ALDH2: variants seen among roughly 807,000 people sequenced by gnomAD.
The protein encoded by ALDH2 is aldehyde dehydrogenase 2 family member.
ALDH2 carries 44 observed loss-of-function variants against 59.6 expected under a neutral mutation model. That is an observed-to-expected ratio of 0.74 (90% CI 0.58 to 0.95). ALDH2 has a LOEUF of 0.95. ALDH2 is among the 40% of genes least tolerant of loss of function. ALDH2 has a pLI of 0.00. For synonymous variants in ALDH2, 291 were observed against 284.0 expected (o/e 1.02, Z -0.25); for missense variants, 570 against 696.3 (o/e 0.82, Z 2.04).
intron 4 of ALDH2, 58 bp from the exon 5 acceptor site, chr12:111,789,765 G>T (rs1056191106): frequency 7.0e-7 from 1 of 1,431,466 alleles, no homozygotes; most frequent in Admixed American, 1.8e-5. Context: ...TTTCTGCCAG[G>T]GTTTGCAGGG....
At position 111,815,232 on chromosome 12, in the gene ALDH2, A is replaced by G. The variant is rs2068562534; in HGVS notation, c.*5657A>G. The G allele has an allele frequency of 6.6e-6, 1 of 152,164 alleles. No homozygotes were observed. Among genetic ancestry groups the G allele is most frequent in the East Asian group, 1.9e-4 (1 of 5,198 alleles). 9.4% of individuals were successfully genotyped at this position (152,164 alleles called of 1,614,324 possible). On this transcript the variant is annotated 3_prime_UTR_variant, in exon 13 of 13. Coordinates refer to ENST00000261733, the MANE Select transcript of ALDH2 (RefSeq NM_000690.4). ...TTTTCATTTTTTATATTTTTTAATG[A>G]CAGGGTCTAACTCCGTCGTCCAGGC...
intron 3 of ALDH2, among the ~76,000 whole-genome samples, chr12:111,784,612 T>TTTA (rs933291504): frequency 2.6e-5 from 4 of 152,098 alleles, no homozygotes; most frequent in South Asian, 2.1e-4. Flanking sequence ...TTAGCATTCT[T>TTTA]TTATTATTAT....
At chr12:111,797,801 G>A (rs953080473) in intron 9 of ALDH2, among the ~76,000 whole-genome samples, 1 of 152,202 alleles carries the variant, frequency 6.6e-6, no homozygotes, top group Non-Finnish European at 1.5e-5. Context: ...ATATGTAACG[G>A]TCTCTTGCTA....
intron 1 of ALDH2, among the ~76,000 whole-genome samples, chr12:111,778,416 G>A (rs1341493116): frequency 2.6e-5 from 4 of 151,746 alleles, no homozygotes; most frequent in Admixed American, 2.0e-4. Context: ...ATGGTGGCAG[G>A]CATCTGTAAT....
chr12:111,802,488 G>A (rs934371387), intron 11 of ALDH2, among the ~76,000 whole-genome samples: 2 of 152,152 alleles, frequency 1.3e-5, no homozygotes, highest in Non-Finnish European at 1.5e-5. Context: ...GGCTGAGGCA[G>A]GAGAATCACT....
chr12:111,772,361 C>CTTTGTT (rs959686396), intron 1 of ALDH2, among the ~76,000 whole-genome samples: 2 of 151,892 alleles, frequency 1.3e-5, no homozygotes. Context: ...TAGGAGTGTC[C>CTTTGTT]TTTGTTTTTG....
chr12:111,777,602 C>A (rs1196904651), intron 1 of ALDH2, among the ~76,000 whole-genome samples: 1 of 152,156 alleles, frequency 6.6e-6, no homozygotes, highest in African/African-American at 2.4e-5. Context: ...TGCCCGCCCC[C>A]CACGCCCGTG....
In ALDH2 at chr12:111,781,946, C is replaced by T. The variant is rs757254188; in HGVS notation, c.143C>T (p.Ala48Val). 1.9e-6 allele frequency: 3 copies of T among 1,613,706 alleles called. No individual in the cohort carries two copies. Among genetic ancestry groups the T allele is most frequent in the South Asian group, 1.1e-5 (1 of 91,080 alleles). ...TTCATAAACAATGAATGGCACGATG[C>T]CGTCAGCAGGAAAACATTCCCCACC... ...QIFINNEWHDAVSRKTFPTVN... is the reference protein window; with the variant it reads ...QIFINNEWHDVVSRKTFPTVN... The change falls in exon 2 of 13, where the codon GCC becomes GTC. Residue 48 changes from alanine (A) to valine (V), a missense_variant. Physicochemically the swap from Ala to Val is moderately conservative, Grantham distance 64 (BLOSUM62 0). Transcript: ENST00000261733.
chr12:111,801,106 G>T (rs1046727159), intron 11 of ALDH2, among the ~76,000 whole-genome samples: 2 of 152,182 alleles, frequency 1.3e-5, no homozygotes, highest in African/African-American at 4.8e-5. Context: ...CACGTGGCTG[G>T]GGAGGCCTCA....
Position 111,815,827 on chromosome 12 carries a change from A to C in ALDH2, c.*6252A>C, listed in dbSNP as rs1160182184. The C allele has an allele frequency of 1.4e-5, 2 of 145,004 alleles. No individual in the cohort carries two copies. The highest frequency in any genetic ancestry group is 5.1e-5 in the African/African-American group (2 of 39,054). 9.0% of individuals were successfully genotyped at this position (145,004 alleles called of 1,614,324 possible). On this transcript the variant is annotated 3_prime_UTR_variant, in exon 13 of 13. Transcript: ENST00000261733. ...AGAGAGAGAGAGATGGAGTCTTGCTATGTTGCTCAGGCTGGTCTCGAACTC... is the reference window on the plus strand; with the variant it reads ...AGAGAGAGAGAGATGGAGTCTTGCTCTGTTGCTCAGGCTGGTCTCGAACTC...
At chr12:111,780,870 C>A (rs1203336434) in intron 1 of ALDH2, among the ~76,000 whole-genome samples, 2 of 152,104 alleles carry the variant, frequency 1.3e-5, no homozygotes, top group Non-Finnish European at 2.9e-5. Context: ...CACCTGCAAT[C>A]CCAGGACCTT....
At chr12:111,781,294 G>A (rs1031547233) in intron 1 of ALDH2, among the ~76,000 whole-genome samples, 1 of 152,120 alleles carries the variant, frequency 6.6e-6, no homozygotes, top group Non-Finnish European at 1.5e-5. Context: ...ACAGAATTTG[G>A]TGGCAGAAAT....
At chr12:111,802,573 C>G (rs914046148) in intron 11 of ALDH2, among the ~76,000 whole-genome samples, 2 of 146,466 alleles carry the variant, frequency 1.4e-5, no homozygotes, top group Non-Finnish European at 3.0e-5. Flanking sequence ...GAGTGAGACT[C>G]TGTCTCAAAA....
intron 12 of ALDH2, among the ~76,000 whole-genome samples, chr12:111,808,855 G>A (rs2068516048): frequency 6.6e-6 from 1 of 152,104 alleles, no homozygotes; most frequent in Non-Finnish European, 1.5e-5. Flanking sequence ...GGAGAAAAGA[G>A]GGTATATGTG....
chr12:111,805,305 G>A (rs1337470465), intron 12 of ALDH2, among the ~76,000 whole-genome samples: 1 of 151,974 alleles, frequency 6.6e-6, no homozygotes, highest in Non-Finnish European at 1.5e-5. Context: ...GATCGCTTGA[G>A]CCACAAGTTT....
Position 111,781,912 on chromosome 12 carries a change from T to C in ALDH2, c.115-6T>C, listed in dbSNP as rs2136013004. The stretch of plus-strand genomic sequence containing the variant: ...GTCCTGAGAACTTCTTTCCTTCTCA[T>C]TGTAGATTTTCATAAACAATGAATG... On this transcript the variant is annotated splice_polypyrimidine_tract_variant and splice_region_variant and intron_variant, in intron 1 of 12. Coordinates refer to ENST00000261733, the MANE Select transcript of ALDH2 (RefSeq NM_000690.4). 1.9e-6 allele frequency: 3 copies of C among 1,610,826 alleles called. No homozygotes were observed. Among genetic ancestry groups the C allele is most frequent in the Non-Finnish European group, 2.5e-6 (3 of 1,177,264 alleles).
At chr12:111,771,654 G>T (rs974271295) in intron 1 of ALDH2, among the ~76,000 whole-genome samples, 17 of 152,190 alleles carry the variant, frequency 1.1e-4, no homozygotes, top group African/African-American at 4.1e-4. Flanking sequence ...ACTTTATGTT[G>T]TATGTAGATA....
intron 4 of ALDH2, among the ~76,000 whole-genome samples, chr12:111,788,025 C>G (rs1351964764): frequency 6.9e-6 from 1 of 145,732 alleles, no homozygotes; most frequent in Non-Finnish European, 1.5e-5. Flanking sequence ...GGCAACAGAG[C>G]GAGACTCTGT....
intron 1 of ALDH2, among the ~76,000 whole-genome samples, chr12:111,767,887 C>T (rs1269596610): frequency 6.6e-6 from 1 of 152,204 alleles, no homozygotes; most frequent in Non-Finnish European, 1.5e-5. Context: ...GCTGCCTTCT[C>T]TGACTTAAGC....
Sources: gnomAD v4.1 joint callset for allele counts (sites outside exome capture counted in the v4.1 genomes callset) on GRCh38, gnomAD v4.1.1 for gene constraint, MANE v1.5 for transcripts, NCBI Gene and HGNC (gene_info 2026-07-23, HGNC 2026-07-21) for gene names.